DEFB121: variants seen among roughly 807,000 people sequenced by gnomAD.
DEFB121 encodes the protein defensin beta 121.
A neutral mutation model predicts 2.5 loss-of-function variants in DEFB121; 5 were observed. The ratio of observed to expected loss-of-function variants is 1.96; its 90% CI spans 1.03 to 4.13. The LOEUF (loss-of-function observed/expected upper bound fraction) is 4.13, where lower values mean the gene tolerates loss of function less well. Ranked by LOEUF, DEFB121 falls within the 30% of genes most tolerant of loss-of-function variation. The pLI is 0.00. For missense variants in DEFB121, 87 were observed against 85.0 expected, an observed-to-expected ratio of 1.02 and a Z score of -0.09; for synonymous variants, 39 against 32.6, an observed-to-expected ratio of 1.20 and a Z score of -0.67.
upstream of DEFB121, among the ~76,000 whole-genome samples, chr20:31,414,044 C>G (rs1978737838): frequency 6.6e-6 from 1 of 152,084 alleles, no homozygotes; most frequent in African/African-American, 2.4e-5. Context: ...CCTGCCTCAA[C>G]TAAAAATACA....
At chr20:31,408,408 C>A (rs186899547), upstream of DEFB121, among the ~76,000 whole-genome samples, 121 of 152,224 alleles carry the variant, frequency 7.9e-4, no homozygotes, top group African/African-American at 2.8e-3. Flanking sequence ...GCTAAAATTG[C>A]ACCACTGCAC....
upstream of DEFB121, among the ~76,000 whole-genome samples, chr20:31,417,779 A>G (rs1268585238): frequency 6.6e-6 from 1 of 152,036 alleles, no homozygotes; most frequent in Non-Finnish European, 1.5e-5. Context: ...CCTGGCCAAC[A>G]TGGTGAAACC....
At chr20:31,410,854 G>GAGAGAA (rs1555829125), upstream of DEFB121, among the ~76,000 whole-genome samples, 15 of 151,396 alleles carry the variant, frequency 9.9e-5, no homozygotes, top group African/African-American at 3.4e-4. Flanking sequence ...GAGAGAGAGA[G>GAGAGAA]AAAGAGAGCA....
chr20:31,417,677 C>G (rs991756246), upstream of DEFB121, among the ~76,000 whole-genome samples: 2 of 151,934 alleles, frequency 1.3e-5, no homozygotes, highest in African/African-American at 4.8e-5. Flanking sequence ...AATTTAGGGA[C>G]AATGGTTGGG....
chr20:31,413,176 GGAC>G (rs1431702182), upstream of DEFB121, among the ~76,000 whole-genome samples: 3 of 152,206 alleles, frequency 2.0e-5, no homozygotes, highest in African/African-American at 7.2e-5. Context: ...TGTGGACTAA[GGAC>G]AAAGGTGCGG....
At chr20:31,414,211 G>GAAGA (rs1013884934), upstream of DEFB121, among the ~76,000 whole-genome samples, 12 of 150,818 alleles carry the variant, frequency 8.0e-5, no homozygotes, top group African/African-American at 2.0e-4. Flanking sequence ...CCATCAAAAG[G>GAAGA]AAGAAAGAAA....
upstream of DEFB121, among the ~76,000 whole-genome samples, chr20:31,413,977 G>T (rs572081983): frequency 6.6e-6 from 1 of 152,310 alleles, no homozygotes; most frequent in African/African-American, 2.4e-5. Flanking sequence ...GGAGGCTGAG[G>T]CAGGCAGATT....
upstream of DEFB121, among the ~76,000 whole-genome samples, chr20:31,417,031 T>C (rs1336313435): frequency 6.6e-6 from 1 of 152,080 alleles, no homozygotes; most frequent in East Asian, 1.9e-4. Flanking sequence ...AGCTTGTCTA[T>C]ATAGGCCTCC....
chr20:31,412,765 T>A, exon 1 of DEFB121: 1 of 1,020,968 alleles, frequency 9.8e-7, no homozygotes, highest in Non-Finnish European at 1.3e-6. Flanking sequence ...CTCACCGTGA[T>A]CTTCAAGTTT....
At chr20:31,407,721 G>T (rs1254776914), upstream of DEFB121, among the ~76,000 whole-genome samples, 2 of 152,220 alleles carry the variant, frequency 1.3e-5, no homozygotes, top group African/African-American at 4.8e-5. Flanking sequence ...CCAGCAGATA[G>T]ATCAGGAAAG....
chr20:31,412,676 T>C, exon 1 of DEFB121: 1 of 1,290,924 alleles, frequency 7.7e-7, no homozygotes, highest in Non-Finnish European at 1.0e-6. Flanking sequence ...CTTGAGGCTC[T>C]TCTGGCTTTT....
upstream of DEFB121, among the ~76,000 whole-genome samples, chr20:31,417,629 G>A (rs930428511): frequency 6.6e-6 from 1 of 152,036 alleles, no homozygotes. Context: ...AGGGCCCACC[G>A]AGTGCTCAGA....
chr20:31,417,071 C>T (rs115198503), upstream of DEFB121, among the ~76,000 whole-genome samples: 1,212 of 152,226 alleles, frequency 8.0e-3, 14 homozygotes, highest in African/African-American at 0.028. Flanking sequence ...GAAGGCCGGG[C>T]GCAATGGCTC....
upstream of DEFB121, among the ~76,000 whole-genome samples, chr20:31,407,903 G>A (rs1014171504): frequency 2.0e-5 from 3 of 152,086 alleles, no homozygotes; most frequent in South Asian, 2.1e-4. Context: ...TTAGCCCCCC[G>A]AGTAGCTAGG....
upstream of DEFB121, among the ~76,000 whole-genome samples, chr20:31,407,799 A>G (rs1415142342): frequency 6.6e-6 from 1 of 152,186 alleles, no homozygotes; most frequent in Non-Finnish European, 1.5e-5. Flanking sequence ...TTTCTTTAAG[A>G]CAGAGTCTTG....
chr20:31,412,717 G>A, exon 1 of DEFB121: 1 of 1,262,326 alleles, frequency 7.9e-7, no homozygotes, highest in Non-Finnish European at 1.0e-6. Flanking sequence ...CTCAATACAA[G>A]GGACATTAGG....
chr20:31,405,530 C>T lies in DEFB121; in HGVS notation c.59-445G>A, dbSNP rs555241075. Among the ~76,000 whole-genome samples, 13 of 152,328 alleles carry T rather than the reference C, an allele frequency of 8.5e-5. No homozygotes were observed. In the South Asian group the frequency reaches 2.7e-3, roughly 32 times the overall value. ...ATAAACTCATTTAACATCTGTAAGTCTTCTAGGGCACCTTTAAAACTCCCA... is the reference window on the plus strand; with the variant it reads ...ATAAACTCATTTAACATCTGTAAGTTTTCTAGGGCACCTTTAAAACTCCCA... On this transcript the variant is annotated intron_variant, in intron 1 of 1. Transcript: ENST00000376314.
chr20:31,411,586 G>T (rs6120159), intron 1 of DEFB121, among the ~76,000 whole-genome samples: 1 of 151,554 alleles, frequency 6.6e-6, no homozygotes, highest in Non-Finnish European at 1.5e-5. Flanking sequence ...AAAAGAAAGC[G>T]ATAAAGATCT....
At chr20:31,405,748 A>G (rs1264602674) in intron 1 of DEFB121, among the ~76,000 whole-genome samples, 3 of 152,222 alleles carry the variant, frequency 2.0e-5, no homozygotes, top group Non-Finnish European at 2.9e-5. Flanking sequence ...AGAGGCAACA[A>G]TGCATCAAAA....
Sources: allele counts gnomAD v4.1 joint callset (sites outside exome capture counted in the v4.1 genomes callset), GRCh38; gene constraint gnomAD v4.1.1; transcripts MANE v1.5; gene names NCBI Gene and HGNC (gene_info 2026-07-23, HGNC 2026-07-21).